The following RSPO2 variants were observed in gnomAD, a reference collection of about 807,000 sequenced individuals.
RSPO2 encodes the protein R-spondin-2.
RSPO2 carries 14 observed loss-of-function variants against 30.9 expected under a neutral mutation model. That is an observed-to-expected ratio of 0.45 (90% CI 0.30 to 0.71). The LOEUF (loss-of-function observed/expected upper bound fraction) is 0.71, where lower values mean the gene tolerates loss of function less well. Ranked by LOEUF, RSPO2 falls within the 30% of genes least tolerant of loss-of-function variation. RSPO2 has a pLI of 0.08. For missense variants in RSPO2, 264 were observed against 301.9 expected (o/e 0.87, Z 0.93); for synonymous variants, 107 against 96.4 (o/e 1.11, Z -0.64).
chr8:107,947,524 G>C (rs991711877), intron 5 of RSPO2, among the ~76,000 whole-genome samples: 1 of 152,182 alleles, frequency 6.6e-6, no homozygotes, highest in Non-Finnish European at 1.5e-5. Context: ...TGGACCACAA[G>C]CCAAGGCAAA....
At chr8:108,038,713 C>A (rs753960799) in intron 2 of RSPO2, among the ~76,000 whole-genome samples, 2 of 151,924 alleles carry the variant, frequency 1.3e-5, no homozygotes, top group African/African-American at 2.4e-5. Flanking sequence ...CCTCTACCAG[C>A]AAACAGATTA....
chr8:107,992,507 C>T (rs1814881374), intron 2 of RSPO2, among the ~76,000 whole-genome samples: 1 of 152,044 alleles, frequency 6.6e-6, no homozygotes, highest in Non-Finnish European at 1.5e-5. Flanking sequence ...ACCCCCATGA[C>T]ACAAGTTTAC....
chr8:107,971,730 A>G lies in RSPO2; in HGVS notation c.284-10913T>C, dbSNP rs571300652. On this transcript the variant is annotated intron_variant, in intron 3 of 5. Coordinates refer to ENST00000276659, the MANE Select transcript of RSPO2 (RefSeq NM_178565.5). ...ACACTGTGATCTTTCAAAAACACAC[A>G]TTTTTCACGTCATTTCCCTACTTTA... Among the ~76,000 whole-genome samples, 14 of 152,248 alleles carry G rather than the reference A, an allele frequency of 9.2e-5. No homozygotes were observed. The East Asian group carries it at 2.7e-3, about 29-fold the overall frequency.
At position 107,989,749 on chromosome 8, in the gene RSPO2, A is replaced by G. The variant is rs183362335; in HGVS notation, c.95-505T>C. ...ACCAAGTCCACAAGGCTGGGATCCA[A>G]ATCAAAATTATCATTGTAGCATGGG... On this transcript the variant is annotated intron_variant, in intron 2 of 5. Coordinates refer to ENST00000276659, the MANE Select transcript of RSPO2 (RefSeq NM_178565.5). Among the ~76,000 whole-genome samples, 220 of 152,318 alleles carry G rather than the reference A, an allele frequency of 1.4e-3. 1 individual carries two copies. Among genetic ancestry groups the G allele is most frequent in the Admixed American group, 2.2e-3 (33 of 15,292 alleles).
intron 2 of RSPO2, among the ~76,000 whole-genome samples, chr8:107,990,883 A>AT (rs1814821008): frequency 6.6e-6 from 1 of 152,214 alleles, no homozygotes; most frequent in Admixed American, 6.5e-5. Flanking sequence ...TAGAGTATCC[A>AT]GAAATAAGAC....
chr8:107,961,983 G>A (rs1813642161), intron 3 of RSPO2, among the ~76,000 whole-genome samples: 1 of 152,200 alleles, frequency 6.6e-6, no homozygotes, highest in South Asian at 2.1e-4. Context: ...GGAAAGTAAA[G>A]GAGAGAAGTT....
intron 2 of RSPO2, among the ~76,000 whole-genome samples, chr8:108,052,782 C>T (rs932244093): frequency 6.6e-6 from 1 of 152,124 alleles, no homozygotes; most frequent in African/African-American, 2.4e-5. Context: ...ATAATCGGAT[C>T]AACATTACAC....
At chr8:107,942,949 C>G (rs1812945320) in intron 5 of RSPO2, among the ~76,000 whole-genome samples, 1 of 152,186 alleles carries the variant, frequency 6.6e-6, no homozygotes, top group Non-Finnish European at 1.5e-5. Context: ...AAAATGCCAG[C>G]ATTAAAGCCA....
intron 5 of RSPO2, among the ~76,000 whole-genome samples, chr8:107,915,988 T>C (rs566681377): frequency 1.3e-5 from 2 of 152,264 alleles, no homozygotes; most frequent in South Asian, 2.1e-4. Flanking sequence ...TCCAAGAGCT[T>C]CACCCTGAAG....
At position 107,926,869 on chromosome 8, in the gene RSPO2, A is replaced by C. The variant is rs558327560; in HGVS notation, c.617-25679T>G. 4.6e-5 allele frequency among the ~76,000 whole-genome samples: 7 copies of C among 152,226 alleles called. No individual in the cohort carries two copies. In the South Asian group the frequency reaches 1.5e-3, roughly 32 times the overall value. On this transcript the variant is annotated intron_variant, in intron 5 of 5. Coordinates refer to ENST00000276659, the MANE Select transcript of RSPO2 (RefSeq NM_178565.5). ...TGTTCTTTTGGCTTAGGATTGACTT[A>C]GCAATGCGAGCTCTTTTTTGGTTCC...
At chr8:107,974,274 C>T (rs1166385227) in intron 3 of RSPO2, among the ~76,000 whole-genome samples, 2 of 151,352 alleles carry the variant, frequency 1.3e-5, no homozygotes, top group Non-Finnish European at 2.9e-5. Context: ...GTCACATTAG[C>T]CCAGGAGTTT....
intron 2 of RSPO2, among the ~76,000 whole-genome samples, chr8:108,066,714 G>A (rs2130716433): frequency 6.6e-6 from 1 of 152,142 alleles, no homozygotes; most frequent in South Asian, 2.1e-4. Context: ...GCTGAAAAAG[G>A]AACAGTTTTT....
chr8:108,041,277 G>T (rs1811750414), intron 2 of RSPO2, among the ~76,000 whole-genome samples: 1 of 146,756 alleles, frequency 6.8e-6, no homozygotes, highest in African/African-American at 2.5e-5. Flanking sequence ...ACAAAGAAAA[G>T]AATGGTAAGA....
intron 2 of RSPO2, among the ~76,000 whole-genome samples, chr8:108,066,048 G>GA (rs556018487): frequency 1.2e-3 from 179 of 151,606 alleles, no homozygotes; most frequent in Admixed American, 2.5e-3. Flanking sequence ...TCAAAAAAAA[G>GA]AAAAAAAGAA....
chr8:107,910,628 A>T (rs1811791688), intron 5 of RSPO2, among the ~76,000 whole-genome samples: 1 of 152,178 alleles, frequency 6.6e-6, no homozygotes, highest in Non-Finnish European at 1.5e-5. Flanking sequence ...ATATGAGGGG[A>T]TGTATGCTCC....
At chr8:108,078,626 G>A (rs1453623110) in intron 2 of RSPO2, among the ~76,000 whole-genome samples, 2 of 152,076 alleles carry the variant, frequency 1.3e-5, no homozygotes, top group African/African-American at 4.8e-5. Flanking sequence ...GCTTTCTCTG[G>A]CCTCAGTTAC....
chr8:108,053,177 T>C (rs1563580449), intron 2 of RSPO2, among the ~76,000 whole-genome samples: 1 of 152,154 alleles, frequency 6.6e-6, no homozygotes. Flanking sequence ...TGTCCTCACA[T>C]GGCTTGCAGG....
rs1037386783 is a variant in RSPO2 at position 108,056,149 on chromosome 8, C to T, written c.94+26396G>A. ...AGGGGAATTGGTTTTTTCTTGACTA[C>T]AGTCTCACCACTGAAACATGAAATT... On this transcript the variant is annotated intron_variant, in intron 2 of 5. Transcript: ENST00000276659. 4.6e-5 allele frequency among the ~76,000 whole-genome samples: 7 copies of T among 152,246 alleles called. No individual in the cohort carries two copies. In the East Asian group the frequency reaches 1.4e-3, roughly 29 times the overall value.
chr8:108,019,029 C>G (rs986252646), intron 2 of RSPO2, among the ~76,000 whole-genome samples: 2 of 152,172 alleles, frequency 1.3e-5, no homozygotes, highest in East Asian at 3.8e-4. Flanking sequence ...TAGAAGCAAA[C>G]TTGGTAGAAG....
Sources: gnomAD v4.1 joint callset for allele counts (sites outside exome capture counted in the v4.1 genomes callset) on GRCh38, gnomAD v4.1.1 for gene constraint, MANE v1.5 for transcripts, NCBI Gene and HGNC (gene_info 2026-07-23, HGNC 2026-07-21) for gene names.